FAR2: variants seen among roughly 807,000 people sequenced by gnomAD.
The protein encoded by FAR2 is fatty acyl-CoA reductase 2, also known as epididymis secretory protein Li 81.
A neutral mutation model predicts 56.0 loss-of-function variants in FAR2; 19 were observed. The ratio of observed to expected loss-of-function variants is 0.34; its 90% CI spans 0.24 to 0.50. FAR2 has a LOEUF of 0.50. Ranked by LOEUF, FAR2 falls within the 20% of genes least tolerant of loss-of-function variation. FAR2 has a pLI of 0.98. For missense variants in FAR2, 508 were observed against 642.2 expected, an observed-to-expected ratio of 0.79 and a Z score of 2.26; for synonymous variants, 219 against 218.8, an observed-to-expected ratio of 1.00 and a Z score of -0.01.
At chr12:29,241,904 G>T (rs972142357) in intron 1 of FAR2, among the ~76,000 whole-genome samples, 2 of 152,218 alleles carry the variant, frequency 1.3e-5, no homozygotes, top group African/African-American at 4.8e-5. Context: ...TCGAAGCTGT[G>T]AACAAATCCC....
intron 6 of FAR2, 41 bp downstream of exon 6, chr12:29,309,271 A>T: frequency 2.0e-6 from 3 of 1,471,650 alleles, no homozygotes; most frequent in Non-Finnish European, 2.8e-6. Context: ...GAAATGTAGT[A>T]GAGAAATAGT....
intron 1 of FAR2, among the ~76,000 whole-genome samples, chr12:29,222,658 G>A (rs1360137720): frequency 6.6e-6 from 1 of 152,126 alleles, no homozygotes; most frequent in Non-Finnish European, 1.5e-5. Flanking sequence ...CAATAAACTG[G>A]CTTAATAGGA....
chr12:29,234,432 CCTT>C (rs1274827453), intron 1 of FAR2, among the ~76,000 whole-genome samples: 1 of 152,054 alleles, frequency 6.6e-6, no homozygotes, highest in African/African-American at 2.4e-5. Flanking sequence ...GATGTTTTTG[CCTT>C]CTTCTTATTA....
At chr12:29,174,690 G>T (rs542670007) in intron 1 of FAR2, among the ~76,000 whole-genome samples, 83 of 152,224 alleles carry the variant, frequency 5.5e-4, no homozygotes, top group African/African-American at 1.8e-3. Context: ...AAAGTGCTGG[G>T]ATTACAGGCA....
At chr12:29,308,101 C>A (rs966301044) in intron 5 of FAR2, 4 of 305,460 alleles carry the variant, frequency 1.3e-5, no homozygotes, top group Non-Finnish European at 2.4e-5. Flanking sequence ...TCAAAATTCA[C>A]ATGGGTGATG....
At chr12:29,245,791 A>G (rs964558569) in intron 1 of FAR2, among the ~76,000 whole-genome samples, 1 of 152,116 alleles carries the variant, frequency 6.6e-6, no homozygotes, top group Non-Finnish European at 1.5e-5. Flanking sequence ...CCCAGGAACT[A>G]ATTTCTACAG....
At chr12:29,258,095 G>A (rs912531923) in intron 1 of FAR2, among the ~76,000 whole-genome samples, 2 of 151,868 alleles carry the variant, frequency 1.3e-5, no homozygotes, top group African/African-American at 4.8e-5. Flanking sequence ...TGTAATTCCA[G>A]CACTTTGGGA....
intron 1 of FAR2, among the ~76,000 whole-genome samples, chr12:29,221,671 A>G (rs954040178): frequency 4.6e-5 from 7 of 152,088 alleles, no homozygotes; most frequent in East Asian, 3.9e-4. Flanking sequence ...TTCTCCCCCA[A>G]TTTAATCCTG....
At chr12:29,207,715 A>G (rs535442500) in intron 1 of FAR2, among the ~76,000 whole-genome samples, 1 of 152,310 alleles carries the variant, frequency 6.6e-6, no homozygotes, top group Admixed American at 6.5e-5. Flanking sequence ...CAGATGATAC[A>G]TAGGGATAGA....
At chr12:29,309,267 T>A in intron 6 of FAR2, 37 bp downstream of exon 6, 1 of 1,503,096 alleles carries the variant, frequency 6.7e-7, no homozygotes, top group Non-Finnish European at 9.2e-7. Flanking sequence ...CCCTGAAATG[T>A]AGTAGAGAAA....
At chr12:29,332,793 A>G (rs980045264) in intron 11 of FAR2, 66 bp downstream of exon 11, 2 of 1,438,202 alleles carry the variant, frequency 1.4e-6, no homozygotes, top group African/African-American at 2.8e-5. Flanking sequence ...TACCAGACAT[A>G]ACATTTGTGC....
chr12:29,235,965 C>A (rs1191076030), intron 1 of FAR2, among the ~76,000 whole-genome samples: 1 of 152,070 alleles, frequency 6.6e-6, no homozygotes, highest in Non-Finnish European at 1.5e-5. Flanking sequence ...GGAATGAGTT[C>A]TGGTGTTCTA....
chr12:29,235,983 G>A (rs1364536103), intron 1 of FAR2, among the ~76,000 whole-genome samples: 1 of 152,166 alleles, frequency 6.6e-6, no homozygotes, highest in Non-Finnish European at 1.5e-5. Context: ...CTATTGCACA[G>A]TAGGGTGAGT....
intron 1 of FAR2, among the ~76,000 whole-genome samples, chr12:29,158,095 G>C (rs1949746819): frequency 6.6e-6 from 1 of 152,134 alleles, no homozygotes; most frequent in South Asian, 2.1e-4. Flanking sequence ...AAACTTAAGA[G>C]AAACTGTTTA....
At chr12:29,197,056 G>A (rs1022168020) in intron 1 of FAR2, among the ~76,000 whole-genome samples, 5 of 152,272 alleles carry the variant, frequency 3.3e-5, no homozygotes, top group African/African-American at 4.8e-5. Context: ...GAGAATTGAC[G>A]AAAATCCTTG....
chr12:29,240,189 A>G (rs968689836), intron 1 of FAR2, among the ~76,000 whole-genome samples: 3 of 152,218 alleles, frequency 2.0e-5, no homozygotes, highest in Non-Finnish European at 2.9e-5. Flanking sequence ...AGATATTTTA[A>G]TGACAGGTTG....
At chr12:29,269,216 G>T (rs142303740) in intron 1 of FAR2, among the ~76,000 whole-genome samples, 1 of 152,204 alleles carries the variant, frequency 6.6e-6, no homozygotes, top group African/African-American at 2.4e-5. Flanking sequence ...TGGGGGGGCC[G>T]TTCATAGGCC....
intron 1 of FAR2, among the ~76,000 whole-genome samples, chr12:29,197,123 G>A (rs1950150400): frequency 6.6e-6 from 1 of 152,136 alleles, no homozygotes; most frequent in South Asian, 2.1e-4. Context: ...TGTATGAATA[G>A]CATAACGGTA....
intron 1 of FAR2, among the ~76,000 whole-genome samples, chr12:29,162,789 C>A (rs1949793825): frequency 6.6e-6 from 1 of 152,090 alleles, no homozygotes; most frequent in Non-Finnish European, 1.5e-5. Flanking sequence ...CTCATTAGTT[C>A]CCCCAACTCT....
Sources: allele counts gnomAD v4.1 joint callset (sites outside exome capture counted in the v4.1 genomes callset), GRCh38; gene constraint gnomAD v4.1.1; transcripts MANE v1.5; gene names NCBI Gene and HGNC (gene_info 2026-07-23, HGNC 2026-07-21).